Variants in ARHGEF10 observed in about 807,000 individuals in gnomAD.
ARHGEF10 encodes the protein Rho guanine nucleotide exchange factor (GEF) 10.
Under a neutral mutation model 147.4 loss-of-function variants are expected in ARHGEF10, and 140 were observed. The observed-to-expected ratio is 0.95, with a 90% confidence interval of 0.83 to 1.09. The LOEUF is 1.09. ARHGEF10 is among the 50% of genes least tolerant of loss of function. ARHGEF10 has a pLI of 0.00. For missense variants in ARHGEF10, 2,222 were observed against 1,752.7 expected (o/e 1.27, Z -4.78); for synonymous variants, 902 against 695.8 (o/e 1.30, Z -4.67).
intron 7 of ARHGEF10, chr8:1,870,160 G>T (rs1201584519): frequency 6.6e-6 from 1 of 152,010 alleles, no homozygotes; most frequent in Non-Finnish European, 1.5e-5. Context: ...GACTGAAGAG[G>T]AGGGTGACCG....
chr8:1,860,824 G>T (rs1806069273), intron 4 of ARHGEF10, among the ~76,000 whole-genome samples: 1 of 152,090 alleles, frequency 6.6e-6, no homozygotes, highest in African/African-American at 2.4e-5. Context: ...CTTGTCTATA[G>T]ACTCAGACTC....
intron 9 of ARHGEF10, 125 bp from the exon 10 acceptor site, chr8:1,882,510 A>T: frequency 1.2e-6 from 1 of 834,906 alleles, no homozygotes; most frequent in East Asian, 2.7e-5. Flanking sequence ...CTAGCCCAGA[A>T]CTGCACGTGA....
intron 6 of ARHGEF10, 76 bp downstream of exon 6, chr8:1,866,678 G>A: frequency 7.7e-7 from 1 of 1,305,132 alleles, no homozygotes; most frequent in East Asian, 2.3e-5. Context: ...CCGGGTCCCT[G>A]AGTCTCAGGT....
At chr8:1,871,658 A>G (rs1034185990) in intron 7 of ARHGEF10, among the ~76,000 whole-genome samples, 1 of 152,108 alleles carries the variant, frequency 6.6e-6, no homozygotes, top group Non-Finnish European at 1.5e-5. Flanking sequence ...TCTCTACTAA[A>G]AGTACAAAAA....
chr8:1,858,535 C>T (rs1805793342), intron 3 of ARHGEF10, among the ~76,000 whole-genome samples: 1 of 152,182 alleles, frequency 6.6e-6, no homozygotes, highest in African/African-American at 2.4e-5. Flanking sequence ...TGCTATTTCC[C>T]AATAAGAATG....
chr8:1,868,046 G>C (rs986460676), intron 6 of ARHGEF10, among the ~76,000 whole-genome samples: 2 of 152,098 alleles, frequency 1.3e-5, no homozygotes, highest in Admixed American at 6.5e-5. Context: ...TTATTACCCA[G>C]ATGGCAGTGA....
intron 11 of ARHGEF10, among the ~76,000 whole-genome samples, chr8:1,892,674 G>A (rs1352846969): frequency 1.7e-5 from 2 of 120,508 alleles, no homozygotes; most frequent in African/African-American, 6.6e-5. Context: ...GCGCGCACGT[G>A]TGTGTTATCT....
At chr8:1,878,860 G>C (rs1279764046) in intron 8 of ARHGEF10, among the ~76,000 whole-genome samples, 1 of 152,082 alleles carries the variant, frequency 6.6e-6, no homozygotes, top group Non-Finnish European at 1.5e-5. Flanking sequence ...GCACACAGTG[G>C]GTTTGTGGTG....
intron 10 of ARHGEF10, among the ~76,000 whole-genome samples, chr8:1,884,439 A>G (rs891472638): frequency 4.0e-5 from 6 of 151,246 alleles, no homozygotes; most frequent in Non-Finnish European, 8.8e-5. Flanking sequence ...TCCCAACCCG[A>G]GTTTCCTAAG....
intron 3 of ARHGEF10, among the ~76,000 whole-genome samples, chr8:1,859,073 ACGG>A (rs1805854323): frequency 7.4e-6 from 1 of 135,330 alleles, no homozygotes; most frequent in Non-Finnish European, 1.6e-5. Context: ...GGTTGTTTGC[ACGG>A]TGTTTCTTTG....
At chr8:1,876,342 GA>G in intron 7 of ARHGEF10, 1 of 589,628 alleles carries the variant, frequency 1.7e-6, no homozygotes, top group South Asian at 2.0e-5. Context: ...GGGCACTTGT[GA>G]GAAACACCTG....
At chr8:1,947,038 C>T (rs1339094781) in intron 27 of ARHGEF10, among the ~76,000 whole-genome samples, 1 of 152,252 alleles carries the variant, frequency 6.6e-6, no homozygotes, top group Non-Finnish European at 1.5e-5. Context: ...CCCTGTGGCT[C>T]AGAAAGCAGA....
Position 1,928,343 on chromosome 8 carries a change from G to A in ARHGEF10, c.2698-84G>A, listed in dbSNP as rs1483659816. On this transcript the variant is annotated intron_variant, in intron 23 of 28. Transcript: ENST00000349830. ...TCTCACATGAAAATCGAAGCTTGTC[G>A]TGGCCTTTAAGGGTCAGGTTCCAGC... is the stretch of plus-strand genomic sequence containing the variant. 2.2e-5 allele frequency: 28 copies of A among 1,246,958 alleles called. No individual in the cohort carries two copies. The Admixed American group carries it at 3.0e-4, about 14-fold the overall frequency. 77.2% of individuals were successfully genotyped at this position (1,246,958 alleles called of 1,614,324 possible).
At chr8:1,952,678 C>G in intron 27 of ARHGEF10, 27 bp from the exon 28 acceptor site, 3 of 1,612,846 alleles carry the variant, frequency 1.9e-6, no homozygotes, top group Non-Finnish European at 1.7e-6. Context: ...AAACCAGACC[C>G]GAAGCCACTC....
chr8:1,898,779 G>C (rs1001925743), intron 15 of ARHGEF10, among the ~76,000 whole-genome samples: 5 of 152,046 alleles, frequency 3.3e-5, no homozygotes, highest in African/African-American at 1.2e-4. Flanking sequence ...TGCGGGGAGG[G>C]GTGTTGTGGG....
At chr8:1,903,892 A>G (rs2129175247) in intron 16 of ARHGEF10, 1 of 248,424 alleles carries the variant, frequency 4.0e-6, no homozygotes. Context: ...CCAGGAGTTC[A>G]AGACCAGCCT....
At chr8:1,891,059 A>G (rs139405744) in intron 11 of ARHGEF10, among the ~76,000 whole-genome samples, 285 of 152,228 alleles carry the variant, frequency 1.9e-3, no homozygotes, top group Non-Finnish European at 3.0e-3. Context: ...GTCTATTTCC[A>G]TCTTGCTTAT....
chr8:1,945,436 G>C, intron 26 of ARHGEF10, 45 bp from the exon 27 acceptor site: 1 of 1,555,032 alleles, frequency 6.4e-7, no homozygotes, highest in Non-Finnish European at 8.7e-7. Flanking sequence ...GCCCCACTCA[G>C]ACTCACTCCA....
chr8:1,860,167 C>T lies in ARHGEF10; in HGVS notation c.464C>T (p.Thr155Met), dbSNP rs747480171. The T allele has an allele frequency of 1.2e-5, 20 of 1,613,246 alleles. No individual in the cohort carries two copies. Among genetic ancestry groups the T allele is most frequent in the African/African-American group, 5.3e-5 (4 of 74,896 alleles). ...AYSSPVIICA[T>M]SLDEEETPEV... is the part of the protein sequence containing the mutation. Reference sequence around the variant, plus strand: ...TCCAGCCCGGTCATCATCTGCGCCACGTCCCTGGACGAAGAAGGTACTGCT... The same window carrying T: ...TCCAGCCCGGTCATCATCTGCGCCATGTCCCTGGACGAAGAAGGTACTGCT... Residue 155 changes from threonine to methionine, a missense_variant, in exon 4 of 29, where the codon ACG becomes ATG. Transcript: ENST00000349830.
Sources: allele counts gnomAD v4.1 joint callset (sites outside exome capture counted in the v4.1 genomes callset), GRCh38; gene constraint gnomAD v4.1.1; transcripts MANE v1.5; gene names NCBI Gene and HGNC (gene_info 2026-07-23, HGNC 2026-07-21).